The following KCND2 variants were observed in gnomAD, a reference collection of about 807,000 sequenced individuals.
KCND2 encodes A-type voltage-gated potassium channel KCND2.
In KCND2, 16 loss-of-function variants were observed where a neutral mutation model predicts 54.4. The ratio of observed to expected loss-of-function variants is 0.29; its 90% CI spans 0.20 to 0.45. KCND2 has a LOEUF of 0.45. Ranked by LOEUF, KCND2 falls within the 20% of genes least tolerant of loss-of-function variation. The pLI is 1.00. For missense variants in KCND2, 486 were observed against 824.2 expected (o/e 0.59, Z 5.02); for synonymous variants, 317 against 310.7 (o/e 1.02, Z -0.21).
intron 1 of KCND2, among the ~76,000 whole-genome samples, chr7:120,699,229 C>A (rs1584888411): frequency 6.6e-6 from 1 of 151,724 alleles, no homozygotes; most frequent in Non-Finnish European, 1.5e-5. Context: ...TTGCAGTGAG[C>A]CGAGATCGCG....
At chr7:120,675,016 T>TA (rs199846681) in intron 1 of KCND2, among the ~76,000 whole-genome samples, 166 of 145,810 alleles carry the variant, frequency 1.1e-3, no homozygotes, top group Middle Eastern at 7.1e-3. Flanking sequence ...CAACAGAAGT[T>TA]AAAAAAAAAA....
At chr7:120,484,159 T>C (rs1391390206) in intron 1 of KCND2, among the ~76,000 whole-genome samples, 1 of 152,014 alleles carries the variant, frequency 6.6e-6, no homozygotes, top group East Asian at 1.9e-4. Context: ...GCCTTGGAGA[T>C]AGGAAATGCG....
chr7:120,726,114 A>G (rs553434367), intron 1 of KCND2, among the ~76,000 whole-genome samples: 2 of 152,272 alleles, frequency 1.3e-5, no homozygotes, highest in Admixed American at 1.3e-4. Flanking sequence ...TTAAACAACT[A>G]CATACATTAG....
intron 1 of KCND2, among the ~76,000 whole-genome samples, chr7:120,578,750 A>T (rs915155701): frequency 4.6e-5 from 7 of 152,098 alleles, no homozygotes; most frequent in African/African-American, 1.7e-4. Flanking sequence ...CCTGTAACCC[A>T]GCTACTCAGG....
At chr7:120,641,197 C>G (rs1316800310) in intron 1 of KCND2, among the ~76,000 whole-genome samples, 1 of 152,040 alleles carries the variant, frequency 6.6e-6, no homozygotes, top group Admixed American at 6.6e-5. Flanking sequence ...GATCCAATTA[C>G]CTAGACTCTG....
At chr7:120,663,047 CACA>C (rs1320845357) in intron 1 of KCND2, among the ~76,000 whole-genome samples, 7 of 152,192 alleles carry the variant, frequency 4.6e-5, no homozygotes, top group African/African-American at 1.4e-4. Flanking sequence ...TCCGTTGCAA[CACA>C]ACAAGTGCCT....
intron 1 of KCND2, among the ~76,000 whole-genome samples, chr7:120,645,263 C>T (rs1297419461): frequency 1.3e-5 from 2 of 152,146 alleles, no homozygotes; most frequent in Non-Finnish European, 2.9e-5. Context: ...TGGCTGACCA[C>T]GTGTCTTGTG....
At chr7:120,308,615 C>T (rs1799683176) in intron 1 of KCND2, among the ~76,000 whole-genome samples, 1 of 152,096 alleles carries the variant, frequency 6.6e-6, no homozygotes, top group Non-Finnish European at 1.5e-5. Context: ...ATGTTGTTTT[C>T]AGTTGTTACT....
At chr7:120,682,596 T>C (rs1268614446) in intron 1 of KCND2, among the ~76,000 whole-genome samples, 1 of 152,106 alleles carries the variant, frequency 6.6e-6, no homozygotes, top group Non-Finnish European at 1.5e-5. Flanking sequence ...TAATGATTAT[T>C]GAAAGACAGT....
chr7:120,723,864 ATCTAGGTTAAAAATGGATTTC>A (rs1372341693), intron 1 of KCND2, among the ~76,000 whole-genome samples: 2 of 152,204 alleles, frequency 1.3e-5, no homozygotes, highest in African/African-American at 4.8e-5. Context: ...ATTTCAAATC[ATCTAGGTTAAAAATGGATTTC>A]TCTGAGTATA....
chr7:120,432,892 C>G (rs569406666), intron 1 of KCND2, among the ~76,000 whole-genome samples: 1 of 152,072 alleles, frequency 6.6e-6, no homozygotes, highest in Non-Finnish European at 1.5e-5. Context: ...AGGTCCAAAT[C>G]GACTCACTTC....
chr7:120,344,101 C>T (rs973923507), intron 1 of KCND2, among the ~76,000 whole-genome samples: 3 of 152,082 alleles, frequency 2.0e-5, no homozygotes, highest in Middle Eastern at 3.2e-3. Context: ...AATCCTATTT[C>T]CTATTGTCAT....
chr7:120,639,792 T>G (rs1295085039), intron 1 of KCND2, among the ~76,000 whole-genome samples: 1 of 152,166 alleles, frequency 6.6e-6, no homozygotes, highest in Non-Finnish European at 1.5e-5. Context: ...TGCCAGCAAG[T>G]GTAGTGCCTG....
intron 1 of KCND2, among the ~76,000 whole-genome samples, chr7:120,728,299 T>TAAAA (rs369068748): frequency 2.1e-5 from 3 of 146,260 alleles, no homozygotes; most frequent in Non-Finnish European, 3.0e-5. Flanking sequence ...TTTTTTTTTT[T>TAAAA]AAAAATTTTG....
intron 1 of KCND2, among the ~76,000 whole-genome samples, chr7:120,494,552 A>G (rs1455446241): frequency 6.6e-6 from 1 of 152,138 alleles, no homozygotes; most frequent in Non-Finnish European, 1.5e-5. Context: ...TTATGGACAC[A>G]GTTTTTATTT....
At chr7:120,725,660 G>A (rs10808193) in intron 1 of KCND2, among the ~76,000 whole-genome samples, 144,492 of 152,298 alleles carry the variant, frequency 0.95, 68,627 homozygotes, top group East Asian at 1. Context: ...TTCTGCAATT[G>A]TAAAATAATG....
At chr7:120,670,776 C>T (rs534992953) in intron 1 of KCND2, among the ~76,000 whole-genome samples, 5 of 151,892 alleles carry the variant, frequency 3.3e-5, no homozygotes, top group South Asian at 4.2e-4. Flanking sequence ...ATTCGCCAGG[C>T]GTGGTGGCGG....
chr7:120,552,029 G>T (rs1792110684), intron 1 of KCND2, among the ~76,000 whole-genome samples: 2 of 152,052 alleles, frequency 1.3e-5, no homozygotes, highest in Admixed American at 1.3e-4. Flanking sequence ...AAACCTAATG[G>T]GAAATCAAAT....
intron 1 of KCND2, among the ~76,000 whole-genome samples, chr7:120,373,577 G>A (rs898768832): frequency 7.9e-5 from 12 of 151,766 alleles, no homozygotes; most frequent in Admixed American, 3.3e-4. Flanking sequence ...CTTTTAGGAC[G>A]CATCCAAGAG....
Sources: gnomAD v4.1 joint callset for allele counts (sites outside exome capture counted in the v4.1 genomes callset) on GRCh38, gnomAD v4.1.1 for gene constraint, MANE v1.5 for transcripts, NCBI Gene and HGNC (gene_info 2026-07-23, HGNC 2026-07-21) for gene names.